Variants in FGF13 observed in about 807,000 individuals in gnomAD.
FGF13 encodes the protein fibroblast growth factor 13.
Under a neutral mutation model 19.5 loss-of-function variants are expected in FGF13, and 2 were observed. The ratio of observed to expected loss-of-function variants is 0.10; its 90% CI spans 0.04 to 0.32. The LOEUF (loss-of-function observed/expected upper bound fraction) is 0.32. Ranked by LOEUF, FGF13 falls within the 10% of genes least tolerant of loss-of-function variation. The pLI, the probability that FGF13 is intolerant of heterozygous loss-of-function variation, is 1.00. For missense variants in FGF13, 113 were observed against 192.7 expected (o/e 0.59, Z 2.45); for synonymous variants, 72 against 76.9 (o/e 0.94, Z 0.33).
chrX:138,660,724 AC>A lies in FGF13; in HGVS notation c.403-25070del, dbSNP rs1246049409. Among the ~76,000 whole-genome samples, 6 of 111,235 alleles carry A rather than the reference AC, an allele frequency of 5.4e-5. No homozygotes were observed. The Admixed American group carries it at 5.7e-4, about 11-fold the overall frequency. On this transcript the variant is annotated intron_variant, in intron 3 of 4. Coordinates refer to ENST00000315930, the MANE Select transcript of FGF13 (RefSeq NM_004114.5). ...TTATCCTATCTAACTATATTTTTGT[AC>A]CCATTAACCATCCCCACTCCCTGCC...
chrX:138,908,093 C>T (rs188574204), intron 1 of FGF13, among the ~76,000 whole-genome samples: 1,553 of 50,280 alleles, frequency 0.031, 42 homozygotes, highest in African/African-American at 0.086. Flanking sequence ...TTTTTTGAGA[C>T]GGAGACTCGT....
At chrX:139,108,783 G>A (rs190053878) in intron 1 of FGF13, among the ~76,000 whole-genome samples, 94 of 110,491 alleles carry the variant, frequency 8.5e-4, no homozygotes, top group African/African-American at 2.6e-3. Flanking sequence ...CCATCACCAA[G>A]GTATTATATT....
At chrX:138,848,073 A>G (rs1289889562) in intron 3 of FGF13, among the ~76,000 whole-genome samples, 1 of 112,403 alleles carries the variant, frequency 8.9e-6, no homozygotes, top group South Asian at 3.7e-4. Flanking sequence ...GAGCAGAACA[A>G]GTGTTTCAAC....
chrX:138,936,729 G>A (rs904030413), intron 1 of FGF13, among the ~76,000 whole-genome samples: 1 of 111,499 alleles, frequency 9.0e-6, no homozygotes, highest in Non-Finnish European at 1.9e-5. Context: ...TCCTTTCTAC[G>A]GAAGCACACC....
intron 3 of FGF13, among the ~76,000 whole-genome samples, chrX:138,829,392 G>T (rs1436110334): frequency 9.0e-6 from 1 of 110,547 alleles, no homozygotes; most frequent in Non-Finnish European, 1.9e-5. Flanking sequence ...AAATAGCCTG[G>T]CACCTCTTCC....
At chrX:138,895,922 A>T (rs966756118) in intron 1 of FGF13, among the ~76,000 whole-genome samples, 8 of 112,268 alleles carry the variant, frequency 7.1e-5, no homozygotes, top group African/African-American at 2.6e-4. Flanking sequence ...ATACTGCATG[A>T]TATCACATAC....
At chrX:138,702,091 T>C (rs1353066877) in intron 3 of FGF13, among the ~76,000 whole-genome samples, 1 of 111,581 alleles carries the variant, frequency 9.0e-6, no homozygotes, top group East Asian at 2.8e-4. Flanking sequence ...GAGACTAGCC[T>C]GGCCAACGTG....
chrX:138,769,263 T>C (rs749106887), intron 3 of FGF13, among the ~76,000 whole-genome samples: 1 of 111,609 alleles, frequency 9.0e-6, no homozygotes, highest in Non-Finnish European at 1.9e-5. Flanking sequence ...GGATTTATAG[T>C]AAGCTTAACA....
intron 3 of FGF13, among the ~76,000 whole-genome samples, chrX:138,809,712 A>G (rs1413964956): frequency 8.9e-6 from 1 of 111,882 alleles, no homozygotes; most frequent in Non-Finnish European, 1.9e-5. Flanking sequence ...TCAGCCCAAA[A>G]TCTCCTTAAG....
chrX:139,118,806 A>G (rs2083657361), intron 1 of FGF13, among the ~76,000 whole-genome samples: 1 of 110,705 alleles, frequency 9.0e-6, no homozygotes, highest in Admixed American at 9.7e-5. Context: ...AGAATCACTT[A>G]AGGCTACAAG....
chrX:138,909,205 G>A (rs112333834), intron 1 of FGF13, among the ~76,000 whole-genome samples: 3,224 of 111,720 alleles, frequency 0.029, 126 homozygotes, highest in African/African-American at 0.099. Context: ...CCTGTTTCCC[G>A]GGGATGGAGA....
In FGF13 at chrX:138,628,169, T is replaced by C. The variant is rs1233490846; in HGVS notation, c.*4681A>G. ...AGTCCAGAATTAGAGACATGTTCTT[T>C]TCAGTATACTATTACTTGTAGCATT... On this transcript the variant is annotated 3_prime_UTR_variant, in exon 5 of 5. Transcript: ENST00000315930. The C allele has an allele frequency of 8.9e-6, 1 of 111,927 alleles. No homozygotes were observed. Among genetic ancestry groups the C allele is most frequent in the African/African-American group, 3.3e-5 (1 of 30,762 alleles). 9.2% of individuals were successfully genotyped at this position (111,927 alleles called of 1,213,427 possible). A position where few individuals can be genotyped will look rare whatever the true frequency, so the allele number is the denominator to read the frequency against.
At chrX:138,756,930 TTA>T (rs1170024068) in intron 3 of FGF13, among the ~76,000 whole-genome samples, 2 of 111,858 alleles carry the variant, frequency 1.8e-5, no homozygotes, top group Non-Finnish European at 3.8e-5. Flanking sequence ...CCAAGCTGAA[TTA>T]TACCTCTGTT....
At position 138,625,526 on chromosome X, in the gene FGF13, T is replaced by C. The variant is rs1360890401; in HGVS notation, c.*7324A>G. 1.1e-5 allele frequency: 1 copy of C among 94,707 alleles called. No homozygotes were observed. Among genetic ancestry groups the C allele is most frequent in the East Asian group, 3.1e-4 (1 of 3,192 alleles). The allele number at this position is 94,707 out of a possible 1,213,427, so 7.8% of individuals were successfully genotyped here. ...ATATATATATAATATAATATATATATATATCTTAGCCATATAAAGAGGGAG... is the reference window on the plus strand; with the variant it reads ...ATATATATATAATATAATATATATACATATCTTAGCCATATAAAGAGGGAG... On this transcript the variant is annotated 3_prime_UTR_variant, in exon 5 of 5. Coordinates refer to ENST00000315930, the MANE Select transcript of FGF13 (RefSeq NM_004114.5).
chrX:138,972,319 T>G (rs1445399950), intron 1 of FGF13, among the ~76,000 whole-genome samples: 1 of 104,387 alleles, frequency 9.6e-6, no homozygotes, highest in African/African-American at 3.5e-5. Context: ...CGACCAATAG[T>G]TTATAAGGAT....
At chrX:138,766,387 A>C (rs1045493699) in intron 3 of FGF13, among the ~76,000 whole-genome samples, 1 of 112,079 alleles carries the variant, frequency 8.9e-6, no homozygotes, top group Non-Finnish European at 1.9e-5. Context: ...GAAGGCTATC[A>C]ATTGCACAGT....
intron 3 of FGF13, among the ~76,000 whole-genome samples, chrX:138,686,234 A>G (rs1028661784): frequency 1.8e-5 from 2 of 111,809 alleles, no homozygotes; most frequent in Non-Finnish European, 3.8e-5. Flanking sequence ...TGGTAAGGTG[A>G]ACCTATATTC....
chrX:138,956,786 G>A (rs758641845), intron 1 of FGF13, among the ~76,000 whole-genome samples: 16 of 111,461 alleles, frequency 1.4e-4, no homozygotes, highest in Admixed American at 1.3e-3. Context: ...CAGTGAATTC[G>A]ATGATCTGTA....
At chrX:138,941,184 C>A (rs1424945900) in intron 1 of FGF13, among the ~76,000 whole-genome samples, 4 of 111,289 alleles carry the variant, frequency 3.6e-5, no homozygotes, top group Non-Finnish European at 7.5e-5. Flanking sequence ...CACTCCTATT[C>A]AACATAGTAC....
Sources: gnomAD v4.1 joint callset for allele counts (sites outside exome capture counted in the v4.1 genomes callset) on GRCh38, gnomAD v4.1.1 for gene constraint, MANE v1.5 for transcripts, NCBI Gene and HGNC (gene_info 2026-07-23, HGNC 2026-07-21) for gene names.